The following ADGRB3 variants were observed in gnomAD, a reference collection of about 807,000 sequenced individuals.
ADGRB3 encodes the protein adhesion G protein-coupled receptor B3, also known as brain-specific angiogenesis inhibitor 3.
In ADGRB3, 37 loss-of-function variants were observed where a neutral mutation model predicts 193.4. The observed-to-expected ratio is 0.19, with a 90% confidence interval of 0.15 to 0.25. The LOEUF is 0.25. Ranked by LOEUF, ADGRB3 falls within the 10% of genes least tolerant of loss-of-function variation. ADGRB3 has a pLI of 1.00. For synonymous variants in ADGRB3, 690 were observed against 644.2 expected (o/e 1.07, Z -1.08); for missense variants, 1,637 against 1,852.9 (o/e 0.88, Z 2.14).
chr6:68,989,996 A>C (rs1769187186), intron 10 of ADGRB3, among the ~76,000 whole-genome samples: 1 of 152,140 alleles, frequency 6.6e-6, no homozygotes. Flanking sequence ...GGGATTCAAA[A>C]CCTTAGAAAT....
At position 68,846,357 on chromosome 6, in the gene ADGRB3, A is replaced by G. The variant is rs144110441; in HGVS notation, c.758-84202A>G. On this transcript the variant is annotated intron_variant, in intron 3 of 31. Coordinates refer to ENST00000370598, the MANE Select transcript of ADGRB3 (RefSeq NM_001704.3). ...TCAAGCTGGCTGCAGAAATTTGCATAAATAGCAAGGAGCCTAATCTTACTC... is the reference window on the plus strand; with the variant it reads ...TCAAGCTGGCTGCAGAAATTTGCATGAATAGCAAGGAGCCTAATCTTACTC... Among the ~76,000 whole-genome samples, 343 of 152,366 alleles carry G rather than the reference A, an allele frequency of 2.3e-3. 3 individuals carry two copies. The highest frequency in any genetic ancestry group is 7.9e-3 in the African/African-American group (328 of 41,586).
intron 13 of ADGRB3, among the ~76,000 whole-genome samples, chr6:69,034,747 T>C (rs895564601): frequency 4.6e-5 from 7 of 151,496 alleles, no homozygotes; most frequent in Non-Finnish European, 3.0e-5. Flanking sequence ...AATGAGAGGA[T>C]GGTTTTAAAA....
At chr6:68,818,247 AC>A (rs1767674237) in intron 3 of ADGRB3, among the ~76,000 whole-genome samples, 1 of 152,042 alleles carries the variant, frequency 6.6e-6, no homozygotes, top group East Asian at 1.9e-4. Context: ...CAAGCCATAG[AC>A]TTGAGAGTTA....
chr6:69,361,791 C>T (rs148118442), intron 29 of ADGRB3, among the ~76,000 whole-genome samples: 308 of 81,974 alleles, frequency 3.8e-3, no homozygotes, highest in South Asian at 5.3e-3. Context: ...ATAATTCTGT[C>T]ATCATGGGAA....
chr6:69,093,652 T>G (rs1312135473), intron 17 of ADGRB3, among the ~76,000 whole-genome samples: 9 of 115,204 alleles, frequency 7.8e-5, no homozygotes, highest in African/African-American at 1.4e-4. Context: ...ATCTAGGGAG[T>G]GGGGTGGGCA....
intron 15 of ADGRB3, among the ~76,000 whole-genome samples, chr6:69,057,168 C>A (rs987550365): frequency 1.3e-5 from 2 of 151,816 alleles, no homozygotes; most frequent in Admixed American, 6.6e-5. Context: ...AAATGGGATT[C>A]TTTTATTAAT....
At chr6:69,044,854 G>A (rs745313165) in intron 13 of ADGRB3, among the ~76,000 whole-genome samples, 1 of 142,960 alleles carries the variant, frequency 7.0e-6, no homozygotes, top group South Asian at 2.4e-4. Flanking sequence ...TTTATTTTAA[G>A]TACTTTAATA....
chr6:69,185,574 G>T (rs998863795), intron 17 of ADGRB3, among the ~76,000 whole-genome samples: 2 of 152,116 alleles, frequency 1.3e-5, no homozygotes, highest in African/African-American at 4.8e-5. Context: ...GCCCTCTGAA[G>T]AATGAAATGA....
chr6:68,757,049 T>C (rs2127349477), intron 3 of ADGRB3, among the ~76,000 whole-genome samples: 1 of 152,274 alleles, frequency 6.6e-6, no homozygotes, highest in Non-Finnish European at 1.5e-5. Flanking sequence ...TTTCCCTTTC[T>C]CTGAAAAATT....
intron 17 of ADGRB3, among the ~76,000 whole-genome samples, chr6:69,204,202 A>G (rs1355631515): frequency 6.6e-6 from 1 of 152,202 alleles, no homozygotes; most frequent in Non-Finnish European, 1.5e-5. Flanking sequence ...TAAAATATAA[A>G]AAGCCCAAAG....
At position 69,090,213 on chromosome 6, in the gene ADGRB3, T is replaced by C. The variant is rs540389895; in HGVS notation, c.2480+14175T>C. Among the ~76,000 whole-genome samples, 3 of 152,338 alleles carry C rather than the reference T, an allele frequency of 2.0e-5. No individual in the cohort carries two copies. In the South Asian group the frequency reaches 6.2e-4, roughly 32 times the overall value. On this transcript the variant is annotated intron_variant, in intron 17 of 31. Coordinates refer to ENST00000370598, the MANE Select transcript of ADGRB3 (RefSeq NM_001704.3). ...TTACATGTATTTCAGTTATGTGGGT[T>C]ATTCAATACCTCATCTCCAAGAAAG...
At chr6:69,297,193 G>A (rs1335105022) in intron 20 of ADGRB3, among the ~76,000 whole-genome samples, 1 of 152,050 alleles carries the variant, frequency 6.6e-6, no homozygotes, top group Non-Finnish European at 1.5e-5. Context: ...TTCCAGTGAA[G>A]GTTGTTTGTT....
chr6:68,723,081 T>C (rs931947781), intron 3 of ADGRB3, among the ~76,000 whole-genome samples: 1 of 151,756 alleles, frequency 6.6e-6, no homozygotes, highest in South Asian at 2.1e-4. Context: ...CATTCTGTCA[T>C]ATAGTGACTT....
intron 5 of ADGRB3, among the ~76,000 whole-genome samples, chr6:68,938,527 C>T (rs1767545734): frequency 1.3e-5 from 2 of 150,112 alleles, no homozygotes; most frequent in Non-Finnish European, 3.0e-5. Context: ...ATATAGTTAT[C>T]ATTTTTGTGC....
At chr6:68,969,573 C>A (rs1438061852) in intron 8 of ADGRB3, among the ~76,000 whole-genome samples, 1 of 152,106 alleles carries the variant, frequency 6.6e-6, no homozygotes, top group African/African-American at 2.4e-5. Flanking sequence ...TAAACTTTAT[C>A]TTAGAGATTA....
chr6:69,363,665 G>A (rs1027608949), intron 29 of ADGRB3, among the ~76,000 whole-genome samples: 2 of 152,046 alleles, frequency 1.3e-5, no homozygotes, highest in Non-Finnish European at 2.9e-5. Context: ...TCTAATCCTT[G>A]ATAGGCATTT....
intron 17 of ADGRB3, among the ~76,000 whole-genome samples, chr6:69,211,204 T>A (rs1230690471): frequency 1.3e-5 from 2 of 152,204 alleles, no homozygotes; most frequent in African/African-American, 4.8e-5. Flanking sequence ...AAGTTCTCTT[T>A]GTTTTATTTT....
chr6:69,163,541 T>C (rs569397527), intron 17 of ADGRB3, among the ~76,000 whole-genome samples: 19 of 152,134 alleles, frequency 1.2e-4, no homozygotes, highest in Non-Finnish European at 2.5e-4. Flanking sequence ...ATTTTCAATT[T>C]GGTCTTGCAA....
chr6:68,797,971 T>C (rs1767242704), intron 3 of ADGRB3, among the ~76,000 whole-genome samples: 1 of 152,178 alleles, frequency 6.6e-6, no homozygotes, highest in Admixed American at 6.5e-5. Flanking sequence ...CATTTTCTAT[T>C]CTTGTCATGC....
Sources: gnomAD v4.1 joint callset for allele counts (sites outside exome capture counted in the v4.1 genomes callset) on GRCh38, gnomAD v4.1.1 for gene constraint, MANE v1.5 for transcripts, NCBI Gene and HGNC (gene_info 2026-07-23, HGNC 2026-07-21) for gene names.